Variants in PCDHGA8 observed in about 807,000 individuals in gnomAD.
PCDHGA8 encodes the protein protocadherin gamma subfamily A, 8.
PCDHGA8 carries 45 observed loss-of-function variants against 59.2 expected under a neutral mutation model. That is an observed-to-expected ratio of 0.76 (90% CI 0.60 to 0.98). The LOEUF (loss-of-function observed/expected upper bound fraction) is 0.98, where lower values mean the gene tolerates loss of function less well. Ranked by LOEUF, PCDHGA8 falls within the 50% of genes least tolerant of loss-of-function variation. The pLI is 0.00. For synonymous variants in PCDHGA8, 531 were observed against 519.0 expected (o/e 1.02, Z -0.32); for missense variants, 1,257 against 1,196.2 (o/e 1.05, Z -0.75).
chr5:141,460,909 G>GGTGT (rs548378036), intron 1 of PCDHGA8, among the ~76,000 whole-genome samples: 1 of 123,246 alleles, frequency 8.1e-6, no homozygotes, highest in African/African-American at 3.7e-5. Flanking sequence ...AATATTCCAT[G>GGTGT]GTGTATATAT....
At chr5:141,409,973 G>A in intron 1 of PCDHGA8, 1 of 1,613,380 alleles carries the variant, frequency 6.2e-7, no homozygotes, top group Non-Finnish European at 8.5e-7. Context: ...AGTGACTAAG[G>A]TGGTAGCGGT....
intron 1 of PCDHGA8, among the ~76,000 whole-genome samples, chr5:141,450,485 TTGTC>T (rs1466269978): frequency 1.3e-5 from 2 of 152,158 alleles, no homozygotes; most frequent in African/African-American, 2.4e-5. Flanking sequence ...GTTTGTTTGT[TTGTC>T]TGTTTGTTTG....
Position 141,487,494 on chromosome 5 carries a change from C to A in PCDHGA8, c.2425-7313C>A, listed in dbSNP as rs116370895. On this transcript the variant is annotated intron_variant, in intron 1 of 3. Transcript: ENST00000398604. The surrounding 1 kb of genome is among the most constrained non-coding windows in gnomAD (Gnocchi z 5.0). The stretch of plus-strand genomic sequence containing the variant: ...GGAGGCCACTCTCATGGCTGTACAC[C>A]CTTGGCTTCTGCACCCACTCGGAGT... 1,421 of 1,614,120 alleles carry A rather than the reference C, an allele frequency of 8.8e-4. 3 individuals are homozygous for A. Among genetic ancestry groups the A allele is most frequent in the Non-Finnish European group, 1.2e-3 (1,358 of 1,180,034 alleles).
intron 1 of PCDHGA8, among the ~76,000 whole-genome samples, chr5:141,430,143 A>C (rs1451633366): frequency 2.0e-5 from 3 of 152,180 alleles, no homozygotes; most frequent in Non-Finnish European, 4.4e-5. Flanking sequence ...TCCATTCAGG[A>C]TCATTCAAGG....
At position 141,486,720 on chromosome 5, in the gene PCDHGA8, C is replaced by G; in HGVS notation, c.2425-8087C>G. ...ATCTCTCTGAACCCCCAGACAGGAG[C>G]TGTTCATGCTACTCGATCCTTTGAC... On this transcript the variant is annotated intron_variant, in intron 1 of 3. Coordinates refer to ENST00000398604, the MANE Select transcript of PCDHGA8 (RefSeq NM_032088.2). This position sits in a 1 kb window ranked among gnomAD's most constrained non-coding sequence, Gnocchi z 5.0. The G allele has an allele frequency of 6.2e-7, 1 of 1,614,216 alleles. No homozygotes were observed. Among genetic ancestry groups the G allele is most frequent in the Non-Finnish European group, 8.5e-7 (1 of 1,180,038 alleles).
At position 141,432,156 on chromosome 5, in the gene PCDHGA8, C is replaced by A; in HGVS notation, c.2424+36919C>A. On this transcript the variant is annotated intron_variant, in intron 1 of 3. Transcript: ENST00000398604. This position sits in a 1 kb window ranked among gnomAD's most constrained non-coding sequence, Gnocchi z 6.0. Reference sequence around the variant, plus strand: ...TCCGCTTATATCCCAGAGAACAATCCCAGAGGAGTTTCCCTCGTCTCTGTG... The same window carrying A: ...TCCGCTTATATCCCAGAGAACAATCACAGAGGAGTTTCCCTCGTCTCTGTG... The A allele has an allele frequency of 6.2e-7, 1 of 1,614,142 alleles. No homozygotes were observed. Among genetic ancestry groups the A allele is most frequent in the East Asian group, 2.2e-5 (1 of 44,874 alleles).
chr5:141,394,551 C>T lies in PCDHGA8; in HGVS notation c.1738C>T (p.Arg580Cys). Residue 580 changes from arginine (R) to cysteine (C), a missense_variant, in exon 1 of 4, where the codon CGC becomes TGC. Coordinates refer to ENST00000398604, the MANE Select transcript of PCDHGA8 (RefSeq NM_032088.2). Reference protein sequence around the residue: ...DGSTGVELAPRSAERGYLVTK... With the variant: ...DGSTGVELAPCSAERGYLVTK... Reference sequence around the variant, plus strand: ...TTCCACTGGCGTGGAGCTGGCGCCCCGCTCCGCAGAGCGTGGCTACCTGGT... The same window carrying T: ...TTCCACTGGCGTGGAGCTGGCGCCCTGCTCCGCAGAGCGTGGCTACCTGGT... 1 of 1,614,138 alleles carries T rather than the reference C, an allele frequency of 6.2e-7. No individual in the cohort carries two copies. The highest frequency in any genetic ancestry group is 8.5e-7 in the Non-Finnish European group (1 of 1,180,048).
At chr5:141,447,650 T>TC (rs1036312126) in intron 1 of PCDHGA8, among the ~76,000 whole-genome samples, 5 of 151,988 alleles carry the variant, frequency 3.3e-5, no homozygotes, top group Non-Finnish European at 5.9e-5. Context: ...GGTAGAATTT[T>TC]CCCCCCCAGG....
chr5:141,420,061 G>C, intron 1 of PCDHGA8: 1 of 1,614,076 alleles, frequency 6.2e-7, no homozygotes. Flanking sequence ...TCTGCTCCAA[G>C]TCCGGACCTG....
At position 141,477,961 on chromosome 5, in the gene PCDHGA8, C is replaced by G. The variant is rs199947431; in HGVS notation, c.2425-16846C>G. On this transcript the variant is annotated intron_variant, in intron 1 of 3. Transcript: ENST00000398604. The surrounding 1 kb of genome is among the most constrained non-coding windows in gnomAD (Gnocchi z 4.9). ...CCTACAGTCTCTTGGGATCCCCTAA[C>G]CAGAGCCTTTTTGCCATAGGGCTGC... 10 of 1,614,166 alleles carry G rather than the reference C, an allele frequency of 6.2e-6. No individual in the cohort carries two copies. Among genetic ancestry groups the G allele is most frequent in the Middle Eastern group, 3.3e-4 (2 of 6,062 alleles).
chr5:141,472,980 CAA>C (rs60579131), intron 1 of PCDHGA8, among the ~76,000 whole-genome samples: 879 of 86,072 alleles, frequency 0.01, 5 homozygotes, highest in African/African-American at 0.015. Context: ...GAGTGAAACT[CAA>C]AAAAAAAAAA....
Position 141,490,055 on chromosome 5 carries a change from G to A in PCDHGA8, c.2425-4752G>A, listed in dbSNP as rs746297447. The A allele has an allele frequency of 1.9e-6, 3 of 1,614,068 alleles. No individual in the cohort carries two copies. The Admixed American group carries it at 5.0e-5, about 27-fold the overall frequency. On this transcript the variant is annotated intron_variant, in intron 1 of 3. Transcript: ENST00000398604. This position sits in a 1 kb window ranked among gnomAD's most constrained non-coding sequence, Gnocchi z 5.4. ...CTCAATGCCACTGATCCAGACGAGG[G>A]CACCAACGGCCAACTAGACTATTCT...
chr5:141,431,416 C>G lies in PCDHGA8; in HGVS notation c.2424+36179C>G, dbSNP rs778722151. 3 of 1,613,596 alleles carry G rather than the reference C, an allele frequency of 1.9e-6. No homozygotes were observed. The highest frequency in any genetic ancestry group is 2.7e-5 in the African/African-American group (2 of 74,954). On this transcript the variant is annotated intron_variant, in intron 1 of 3. Coordinates refer to ENST00000398604, the MANE Select transcript of PCDHGA8 (RefSeq NM_032088.2). The surrounding 1 kb of genome is among the most constrained non-coding windows in gnomAD (Gnocchi z 4.8). ...TCCTTACGGCCTCCGACGGGGGCGA[C>G]CCGGTGCGCACAGGCACCGCGCGCA...
chr5:141,450,633 C>T (rs751572851), intron 1 of PCDHGA8, among the ~76,000 whole-genome samples: 2 of 149,416 alleles, frequency 1.3e-5, no homozygotes, highest in East Asian at 2.0e-4. Flanking sequence ...ATTACAGATG[C>T]CTGCCACCAT....
rs2099718995 is a variant in PCDHGA8 at position 141,491,523 on chromosome 5, G to A, written c.2425-3284G>A. On this transcript the variant is annotated intron_variant, in intron 1 of 3. Transcript: ENST00000398604. This position sits in a 1 kb window ranked among gnomAD's most constrained non-coding sequence, Gnocchi z 6.9. ...CGGACGGCACGCTCAAGTACATGGAGGTGACGCTGCGGCCCACAGACTCGC... is the reference window on the plus strand; with the variant it reads ...CGGACGGCACGCTCAAGTACATGGAAGTGACGCTGCGGCCCACAGACTCGC... The A allele has an allele frequency of 3.1e-6, 5 of 1,613,954 alleles. No individual in the cohort carries two copies. The highest frequency in any genetic ancestry group is 3.4e-6 in the Non-Finnish European group (4 of 1,180,032).
chr5:141,410,817 ATGTCACCAGACTGAAGATATTTTGTCTT>A, intron 1 of PCDHGA8: 1 of 524,252 alleles, frequency 1.9e-6, no homozygotes, highest in Non-Finnish European at 3.1e-6. Flanking sequence ...TTGTAAAATA[ATGTCACCAGACTGAAGATATTTTGTCTT>A]TGTCTTTTTT....
intron 1 of PCDHGA8, chr5:141,413,033 T>C: frequency 1.3e-6 from 1 of 776,760 alleles, no homozygotes; most frequent in Non-Finnish European, 2.0e-6. Context: ...ACAAACCGGC[T>C]GCTGGGCTGC....
chr5:141,458,514 T>G (rs1338106276), intron 1 of PCDHGA8, among the ~76,000 whole-genome samples: 1 of 129,036 alleles, frequency 7.7e-6, no homozygotes, highest in African/African-American at 3.6e-5. Context: ...TGACACTTTG[T>G]TTTTTTTTTT....
intron 1 of PCDHGA8, chr5:141,413,001 G>A (rs2095597089): frequency 1.7e-6 from 1 of 592,790 alleles, no homozygotes; most frequent in Non-Finnish European, 2.8e-6. Flanking sequence ...CGGATTCTCA[G>A]GGCTTCAACT....
Sources: gnomAD v4.1 joint callset for allele counts (sites outside exome capture counted in the v4.1 genomes callset) on GRCh38, gnomAD v4.1.1 for gene constraint, Gnocchi (gnomAD v3.1) non-coding constraint, MANE v1.5 for transcripts, NCBI Gene and HGNC (gene_info 2026-07-23, HGNC 2026-07-21) for gene names.